The following TFCP2 variants were observed in gnomAD, a reference collection of about 807,000 sequenced individuals.
The protein encoded by TFCP2 is alpha-globin transcription factor CP2.
Under a neutral mutation model 73.4 loss-of-function variants are expected in TFCP2, and 33 were observed. That is an observed-to-expected ratio of 0.45 (90% CI 0.34 to 0.60). TFCP2 has a LOEUF of 0.60. Ranked by LOEUF, TFCP2 falls within the 20% of genes least tolerant of loss-of-function variation. The pLI is 0.01. For missense variants in TFCP2, 352 were observed against 604.0 expected (o/e 0.58, Z 4.37); for synonymous variants, 193 against 211.6 (o/e 0.91, Z 0.76).
intron 9 of TFCP2, 193 bp from the exon 10 acceptor site, chr12:51,103,956 A>C: frequency 1.4e-6 from 1 of 699,526 alleles, no homozygotes; most frequent in Non-Finnish European, 2.5e-6. Flanking sequence ...TAAGCTGCTC[A>C]AATGGAAAGG....
chr12:51,154,870 GT>G (rs1245849432), intron 1 of TFCP2, among the ~76,000 whole-genome samples: 4 of 152,152 alleles, frequency 2.6e-5, no homozygotes, highest in Non-Finnish European at 5.9e-5. Context: ...ATGATATGGT[GT>G]GATGATTTTT....
intron 6 of TFCP2, among the ~76,000 whole-genome samples, 187 bp from the exon 7 acceptor site, chr12:51,107,533 T>C (rs185760519): frequency 6.6e-6 from 1 of 152,250 alleles, no homozygotes; most frequent in African/African-American, 2.4e-5. Context: ...TTGAAAAGAA[T>C]CAGATCTATA....
chr12:51,099,454 G>C (rs1485602465), intron 12 of TFCP2, among the ~76,000 whole-genome samples: 4 of 149,304 alleles, frequency 2.7e-5, no homozygotes, highest in African/African-American at 9.9e-5. Context: ...CTTCAGCCTG[G>C]GTAACTGAGT....
At chr12:51,169,206 T>C (rs895089753) in intron 1 of TFCP2, among the ~76,000 whole-genome samples, 2 of 151,968 alleles carry the variant, frequency 1.3e-5, no homozygotes, top group South Asian at 2.1e-4. Context: ...TAAATGTGTA[T>C]AAGTCAAGAG....
rs536984489 is a variant in TFCP2 at position 51,110,833 on chromosome 12, G to A, written c.564+44C>T. 5.4e-6 allele frequency: 7 copies of A among 1,300,526 alleles called. No individual in the cohort carries two copies. The East Asian group carries it at 9.2e-5, about 17-fold the overall frequency. The allele number at this position is 1,300,526 out of a possible 1,614,324, so 80.6% of individuals were successfully genotyped here. A position where few individuals can be genotyped will look rare whatever the true frequency, so the allele number is the denominator to read the frequency against. On this transcript the variant is annotated intron_variant, in intron 5 of 14. Transcript: ENST00000257915. ...CCTTTAAGAAATAAACTGATAGTAA[G>A]AGAGATACTCTTCAAAACTGGAACC...
intron 1 of TFCP2, among the ~76,000 whole-genome samples, chr12:51,141,169 C>T (rs1186879185): frequency 6.7e-6 from 1 of 150,162 alleles, no homozygotes; most frequent in African/African-American, 2.4e-5. Flanking sequence ...TGGGTCTAAG[C>T]AATCCTCTCA....
rs1939911898 is a variant in TFCP2, at chr12:51,094,564, T to C, written c.*677A>G. Reference sequence around the variant, plus strand: ...TAGCAAGCTACTTAGCCACTGTGTGTCTCCATTTCCTCATCTTCGGTTGGG... The same window carrying C: ...TAGCAAGCTACTTAGCCACTGTGTGCCTCCATTTCCTCATCTTCGGTTGGG... On this transcript the variant is annotated 3_prime_UTR_variant, in exon 15 of 15. Coordinates refer to ENST00000257915, the MANE Select transcript of TFCP2 (RefSeq NM_005653.5). 6.6e-6 allele frequency: 1 copy of C among 152,226 alleles called. No individual in the cohort carries two copies. The highest frequency in any genetic ancestry group is 2.4e-5 in the African/African-American group (1 of 41,462). 9.4% of individuals were successfully genotyped at this position (152,226 alleles called of 1,614,324 possible).
intron 1 of TFCP2, among the ~76,000 whole-genome samples, chr12:51,153,733 T>C (rs1040437940): frequency 4.6e-5 from 7 of 152,216 alleles, no homozygotes; most frequent in African/African-American, 1.7e-4. Context: ...AGAATCTCCT[T>C]CCTTTTCAAG....
At chr12:51,135,443 A>AG (rs368045571) in intron 1 of TFCP2, among the ~76,000 whole-genome samples, 4 of 151,640 alleles carry the variant, frequency 2.6e-5, no homozygotes, top group Admixed American at 6.6e-5. Flanking sequence ...ACACAAAAAA[A>AG]ACAACTACGA....
rs775558332 is a variant in TFCP2, at chr12:51,095,292, G to A, written c.1472-14C>T. On this transcript the variant is annotated splice_polypyrimidine_tract_variant and intron_variant, in intron 14 of 14. Coordinates refer to ENST00000257915, the MANE Select transcript of TFCP2 (RefSeq NM_005653.5). Reference sequence around the variant, plus strand: ...CATTGGTTTCTGCTGTTAAAAAAAAGAGAGAGAGAGAATCATCTTTAGTCA... The same window carrying A: ...CATTGGTTTCTGCTGTTAAAAAAAAAAGAGAGAGAGAATCATCTTTAGTCA... 5.0e-6 allele frequency: 8 copies of A among 1,595,244 alleles called. No homozygotes were observed. The South Asian group carries it at 6.6e-5, about 13-fold the overall frequency.
chr12:51,118,494 G>A (rs1436671113), intron 2 of TFCP2, 127 bp downstream of exon 2: 2 of 1,134,754 alleles, frequency 1.8e-6, no homozygotes, highest in African/African-American at 1.6e-5. Context: ...GGCAGAGCTT[G>A]CAGTGAGCCA....
chr12:51,100,536 C>G (rs186551291), intron 11 of TFCP2, among the ~76,000 whole-genome samples: 1 of 152,296 alleles, frequency 6.6e-6, no homozygotes. Flanking sequence ...ACAAATATGA[C>G]CAGGCACGGT....
intron 1 of TFCP2, among the ~76,000 whole-genome samples, chr12:51,144,759 A>T (rs1216200574): frequency 2.0e-5 from 3 of 152,228 alleles, no homozygotes; most frequent in African/African-American, 7.2e-5. Context: ...GCCTCAGCAT[A>T]AGCAAGAATT....
intron 1 of TFCP2, among the ~76,000 whole-genome samples, chr12:51,128,504 A>G (rs1466528187): frequency 2.0e-5 from 3 of 151,908 alleles, no homozygotes; most frequent in African/African-American, 7.2e-5. Context: ...AAAAAAAACA[A>G]ACTAGTATTG....
At chr12:51,150,981 GGGTAAAGAAAGCAAGGA>G (rs1386017885) in intron 1 of TFCP2, among the ~76,000 whole-genome samples, 12 of 152,074 alleles carry the variant, frequency 7.9e-5, no homozygotes, top group African/African-American at 2.7e-4. Flanking sequence ...AAAGCAGAGG[GGGTAAAGAAAGCAAGGA>G]GTGCTGGTGA....
chr12:51,107,224 A>C lies in TFCP2; in HGVS notation c.828+12T>G, dbSNP rs547491570. On this transcript the variant is annotated intron_variant, in intron 7 of 14. Transcript: ENST00000257915. ...TATGAACTGAAATTGTCACCAAAAG[A>C]AATCTTTTTACCTCTGTGAGTATGG... 6.4e-7 allele frequency: 1 copy of C among 1,574,248 alleles called. No homozygotes were observed. The highest frequency in any genetic ancestry group is 1.2e-5 in the South Asian group (1 of 85,204).
At chr12:51,136,574 A>G (rs1355865932) in intron 1 of TFCP2, among the ~76,000 whole-genome samples, 3 of 152,162 alleles carry the variant, frequency 2.0e-5, no homozygotes, top group Non-Finnish European at 4.4e-5. Flanking sequence ...AACTGCCCTG[A>G]GTAGCTTACC....
At chr12:51,112,248 T>G (rs538327141) in intron 4 of TFCP2, among the ~76,000 whole-genome samples, 5 of 152,356 alleles carry the variant, frequency 3.3e-5, no homozygotes, top group Non-Finnish European at 5.9e-5. Context: ...TAATGCATAG[T>G]GATCAGATCA....
Position 51,117,724 on chromosome 12 carries a change from G to C in TFCP2, c.298C>G (p.Leu100Val). The change falls in exon 3 of 15, where the codon CTA (leucine) becomes GTA (valine). Residue 100 changes from leucine to valine, a missense_variant. Coordinates refer to ENST00000257915, the MANE Select transcript of TFCP2 (RefSeq NM_005653.5). ...AGTTCTCCAAGTTTCCTATTGTCTA[G>C]CATTCGAATTTCATAAGACTGTCCT... is the stretch of plus-strand genomic sequence containing the variant. Reference protein sequence around the residue: ...NQGQSYEIRMLDNRKLGELPE... With the variant: ...NQGQSYEIRMVDNRKLGELPE... 1 of 1,612,572 alleles carries C rather than the reference G, an allele frequency of 6.2e-7. No homozygotes were observed. The highest frequency in any genetic ancestry group is 8.5e-7 in the Non-Finnish European group (1 of 1,179,266).
Sources: allele counts gnomAD v4.1 joint callset (sites outside exome capture counted in the v4.1 genomes callset), GRCh38; gene constraint gnomAD v4.1.1; transcripts MANE v1.5; gene names NCBI Gene and HGNC (gene_info 2026-07-23, HGNC 2026-07-21).